ACSM4: variants seen among roughly 807,000 people sequenced by gnomAD.
ACSM4 encodes the protein acyl-coenzyme A synthetase ACSM4, mitochondrial.
ACSM4 carries 66 observed loss-of-function variants against 73.0 expected under a neutral mutation model. The observed-to-expected ratio is 0.90, with a 90% CI of 0.74 to 1.11. The LOEUF (loss-of-function observed/expected upper bound fraction) is 1.11, where lower values mean the gene tolerates loss of function less well. ACSM4 is among the 50% of genes least tolerant of loss of function. ACSM4 has a pLI of 0.00. For missense variants in ACSM4, 645 were observed against 714.4 expected, an observed-to-expected ratio of 0.90 and a Z score of 1.11; for synonymous variants, 222 against 254.0, an observed-to-expected ratio of 0.87 and a Z score of 1.20.
Position 7,324,349 on chromosome 12 carries a change from A to G in ACSM4, c.1385A>G (p.Asp462Gly), listed in dbSNP as rs1349515806. 2.5e-6 allele frequency: 4 copies of G among 1,614,048 alleles called. No homozygotes were observed. Among genetic ancestry groups the G allele is most frequent in the Non-Finnish European group, 3.4e-6 (4 of 1,179,978 alleles). ...VTGDRGVMDS[D>G]GYFWFVGRAD... is the part of the protein sequence containing the mutation. ...GGAGACAGAGGAGTGATGGACAGTG[A>G]TGGGTATTTCTGGTTTGTCGGCAGA... is the stretch of plus-strand genomic sequence containing the variant. Residue 462 changes from aspartate (D) to glycine (G), a missense_variant, in exon 10 of 13, where the codon GAT becomes GGT. Transcript: ENST00000399422.
rs745420050 is a variant in ACSM4, at chr12:7,317,208, G to T, written c.692G>T (p.Gly231Val). The T allele has an allele frequency of 3.7e-6, 6 of 1,611,002 alleles. No individual in the cohort carries two copies. In the Admixed American group the frequency reaches 5.0e-5, roughly 13 times the overall value. The change falls in exon 4 of 13, where the codon GGG (glycine) becomes GTG (valine). Residue 231 changes from glycine to valine, a missense_variant. Physicochemically the swap from Gly to Val is moderately radical, Grantham distance 109 (BLOSUM62 -3). Transcript: ENST00000399422. ...CCAATGACCATTTATTTCACCAGTG[G>T]GACCACAGGCTTTCCTAAAATGGCC... ...QEPMTIYFTS[G>V]TTGFPKMAQH...
At chr12:7,310,092 C>A (rs1349516056) in intron 2 of ACSM4, among the ~76,000 whole-genome samples, 1 of 152,086 alleles carries the variant, frequency 6.6e-6, no homozygotes, top group East Asian at 1.9e-4. Context: ...TGGCAGGAGA[C>A]CATTGGTTTA....
rs372969442 is a variant in ACSM4, at chr12:7,323,366, C to T, written c.1206+52C>T. ...TCAGTAAAGGAGAGAGAACGTTTTC[C>T]TTTTCTGCTATTCATTGCACAACTA... On this transcript the variant is annotated intron_variant, in intron 8 of 12. Transcript: ENST00000399422. 7.0e-4 allele frequency: 1,121 copies of T among 1,596,352 alleles called. 2 individuals carry two copies. Among genetic ancestry groups the T allele is most frequent in the Non-Finnish European group, 9.3e-4 (1,088 of 1,168,290 alleles).
Position 7,327,082 on chromosome 12 carries a change from A to T in ACSM4, c.1643A>T (p.Lys548Ile). ...DHVKKSTAPY[K>I]YPRKVEFVQE... Reference sequence around the variant, plus strand: ...GTGAAAAAATCAACTGCACCTTACAAATATCCAAGAAAGGCAAGTGCTTTG... The same window carrying T: ...GTGAAAAAATCAACTGCACCTTACATATATCCAAGAAAGGCAAGTGCTTTG... The change falls in exon 12 of 13, where the codon AAA becomes ATA. Residue 548 changes from lysine to isoleucine, a missense_variant. Transcript: ENST00000399422. 1.9e-6 allele frequency: 3 copies of T among 1,605,478 alleles called. No individual in the cohort carries two copies. The highest frequency in any genetic ancestry group is 1.1e-5 in the South Asian group (1 of 88,818).
intron 1 of ACSM4, 119 bp from the exon 2 acceptor site, chr12:7,306,414 G>C: frequency 2.2e-6 from 2 of 919,500 alleles, no homozygotes; most frequent in Non-Finnish European, 3.3e-6. Context: ...GACGAACTCA[G>C]GGCGCTGTTA....
intron 2 of ACSM4, among the ~76,000 whole-genome samples, chr12:7,307,529 T>C (rs1004688483): frequency 6.6e-6 from 1 of 152,186 alleles, no homozygotes; most frequent in Non-Finnish European, 1.5e-5. Context: ...AAGAATATGA[T>C]TGGCACATCC....
At chr12:7,318,936 C>T (rs12820714) in intron 5 of ACSM4, among the ~76,000 whole-genome samples, 9,308 of 152,166 alleles carry the variant, frequency 0.061, 385 homozygotes, top group East Asian at 0.16. Flanking sequence ...GGACTGGATT[C>T]GTGGAAGACA....
At position 7,328,695 on chromosome 12, in the gene ACSM4, A is replaced by G. The variant is rs1260700203; in HGVS notation, c.*322A>G. On this transcript the variant is annotated 3_prime_UTR_variant, in exon 13 of 13. Transcript: ENST00000399422. ...CTGTATTTCATTTACCTTGTGCCTG[A>G]TTGATTCAAAATAAACATATATCCT... 1 of 165,542 alleles carries G rather than the reference A, an allele frequency of 6.0e-6. No individual in the cohort carries two copies. The highest frequency in any genetic ancestry group is 1.3e-5 in the Non-Finnish European group (1 of 76,920). The allele number at this position is 165,542 out of a possible 1,614,324, so 10.3% of individuals were successfully genotyped here.
Position 7,328,415 on chromosome 12 carries a change from T to A in ACSM4, c.*42T>A. The A allele has an allele frequency of 2.8e-6, 4 of 1,412,434 alleles. No homozygotes were observed. In the East Asian group the frequency reaches 1.0e-4, roughly 37 times the overall value. The allele number at this position is 1,412,434 out of a possible 1,614,324, so 87.5% of individuals were successfully genotyped here. The stretch of plus-strand genomic sequence containing the variant: ...AAGGGTTAAGCAGTAATATGGTTGC[T>A]TTCTTTTAGTATTTGTTCCGATAAT... On this transcript the variant is annotated 3_prime_UTR_variant, in exon 13 of 13. Coordinates refer to ENST00000399422, the MANE Select transcript of ACSM4 (RefSeq NM_001080454.2).
At chr12:7,311,680 TTTG>T (rs1000182068) in intron 3 of ACSM4, among the ~76,000 whole-genome samples, 9 of 152,080 alleles carry the variant, frequency 5.9e-5, no homozygotes, top group East Asian at 1.9e-4. Flanking sequence ...TGCCACCTTT[TTTG>T]TTGTTGTTGT....
chr12:7,322,615 A>T (rs1946472602), intron 7 of ACSM4, 74 bp downstream of exon 7: 1 of 1,516,364 alleles, frequency 6.6e-7, no homozygotes, highest in Non-Finnish European at 8.8e-7. Context: ...TGAGCCCCTG[A>T]AGTGCCCCCA....
chr12:7,321,233 CAAAAA>C (rs1946461411), intron 6 of ACSM4, among the ~76,000 whole-genome samples: 1 of 151,906 alleles, frequency 6.6e-6, no homozygotes, highest in African/African-American at 2.4e-5. Flanking sequence ...ATTTAGAACT[CAAAAA>C]AGAAAGAAAG....
intron 6 of ACSM4, 113 bp downstream of exon 6, chr12:7,320,917 G>A: frequency 1.1e-6 from 1 of 928,156 alleles, no homozygotes; most frequent in South Asian, 1.4e-5. Flanking sequence ...TACCACCACT[G>A]ACATTTTGAA....
In ACSM4 at chr12:7,318,020, A is replaced by G. The variant is rs986650951; in HGVS notation, c.765-6A>G. On this transcript the variant is annotated splice_polypyrimidine_tract_variant and splice_region_variant and intron_variant, in intron 4 of 12. Coordinates refer to ENST00000399422, the MANE Select transcript of ACSM4 (RefSeq NM_001080454.2). ...GTCTGTTTTGTTGCTTTTTCATATC[A>G]TTTAGGTATTGGCTGGACTTGAAGT... The G allele has an allele frequency of 6.2e-7, 1 of 1,612,044 alleles. No individual in the cohort carries two copies. The highest frequency in any genetic ancestry group is 8.5e-7 in the Non-Finnish European group (1 of 1,179,016).
intron 6 of ACSM4, among the ~76,000 whole-genome samples, chr12:7,321,429 C>T (rs1333082975): frequency 1.3e-5 from 2 of 152,178 alleles, no homozygotes; most frequent in Non-Finnish European, 2.9e-5. Flanking sequence ...TAGGCTTGTC[C>T]ATCCTCTTTT....
At chr12:7,324,619 A>G in intron 11 of ACSM4, 21 bp downstream of exon 11, 1 of 1,610,040 alleles carries the variant, frequency 6.2e-7, no homozygotes, top group South Asian at 1.1e-5. Context: ...GTCATTTATT[A>G]AAGAAGCAAC....
At chr12:7,308,321 AAAT>A (rs1172117014) in intron 2 of ACSM4, among the ~76,000 whole-genome samples, 1 of 152,202 alleles carries the variant, frequency 6.6e-6, no homozygotes, top group Non-Finnish European at 1.5e-5. Flanking sequence ...GAAATGTATA[AAAT>A]AATAGTGAAA....
intron 1 of ACSM4, 122 bp downstream of exon 1, chr12:7,304,654 G>C: frequency 9.1e-7 from 1 of 1,099,036 alleles, no homozygotes; most frequent in Non-Finnish European, 1.3e-6. Flanking sequence ...GGTTTCCTTT[G>C]TTTGTTTTCC....
rs750480186 is a variant in ACSM4, at chr12:7,315,195, C to CA, written c.621-1925dup. Among the ~76,000 whole-genome samples, 610 of 85,832 alleles carry CA rather than the reference C, an allele frequency of 7.1e-3. 4 individuals carry two copies. Among genetic ancestry groups the CA allele is most frequent in the Admixed American group, 0.011 (84 of 7,802 alleles). The allele number at this position is 85,832 out of a possible 152,430, so 56.3% of individuals were successfully genotyped here. The stretch of plus-strand genomic sequence containing the variant: ...TGCATGGCAGAGTAAAACTCCGTCT[C>CA]AAAAAAAAAAAAAAAAATCCTCACT... On this transcript the variant is annotated intron_variant, in intron 3 of 12. Coordinates refer to ENST00000399422, the MANE Select transcript of ACSM4 (RefSeq NM_001080454.2).
Sources: gnomAD v4.1 joint callset for allele counts (sites outside exome capture counted in the v4.1 genomes callset) on GRCh38, gnomAD v4.1.1 for gene constraint, MANE v1.5 for transcripts, NCBI Gene and HGNC (gene_info 2026-07-23, HGNC 2026-07-21) for gene names.